The following GMDS variants were observed in gnomAD, a reference collection of about 807,000 sequenced individuals.
The protein encoded by GMDS is GDP-mannose 4,6-dehydratase.
In GMDS, 20 loss-of-function variants were observed where a neutral mutation model predicts 49.9. The ratio of observed to expected loss-of-function variants is 0.40; its 90% CI spans 0.28 to 0.58. The LOEUF is 0.58. Among genes scored for constraint, GMDS ranks in the 20% least tolerant of loss-of-function variants. The pLI is 0.42. For missense variants in GMDS, 362 were observed against 481.4 expected (o/e 0.75, Z 2.32); for synonymous variants, 177 against 178.6 (o/e 0.99, Z 0.07).
At chr6:1,859,633 G>C (rs1218176539) in intron 7 of GMDS, among the ~76,000 whole-genome samples, 1 of 152,120 alleles carries the variant, frequency 6.6e-6, no homozygotes, top group Admixed American at 6.5e-5. Context: ...CAGTAAGGTA[G>C]CCTCAGAGGA....
chr6:1,976,590 A>C (rs893355546), intron 4 of GMDS, among the ~76,000 whole-genome samples: 5 of 152,232 alleles, frequency 3.3e-5, no homozygotes, highest in African/African-American at 1.2e-4. Context: ...AATTTCAATA[A>C]TAACAATGAT....
chr6:1,659,232 A>T (rs1409910857), intron 9 of GMDS, among the ~76,000 whole-genome samples: 1 of 148,016 alleles, frequency 6.8e-6, no homozygotes, highest in Non-Finnish European at 1.5e-5. Flanking sequence ...TTTAAACATC[A>T]CTGTTGCATG....
At chr6:1,889,090 A>AT (rs1473482163) in intron 7 of GMDS, among the ~76,000 whole-genome samples, 2 of 152,124 alleles carry the variant, frequency 1.3e-5, no homozygotes, top group Non-Finnish European at 2.9e-5. Flanking sequence ...CTGTATTGTT[A>AT]TTTTTTATTG....
At chr6:2,159,467 C>A (rs1479631830) in intron 1 of GMDS, among the ~76,000 whole-genome samples, 1 of 150,464 alleles carries the variant, frequency 6.6e-6, no homozygotes. Flanking sequence ...ACATTTTATG[C>A]ATTCATGGCA....
chr6:2,154,863 CAAAAAAA>C (rs70992124), intron 1 of GMDS, among the ~76,000 whole-genome samples: 10 of 65,626 alleles, frequency 1.5e-4, no homozygotes, highest in African/African-American at 2.0e-4. Flanking sequence ...TGAAGAGATG[CAAAAAAA>C]AAAAAAAAAA....
At chr6:1,803,689 T>C (rs971864818) in intron 7 of GMDS, among the ~76,000 whole-genome samples, 5 of 152,222 alleles carry the variant, frequency 3.3e-5, no homozygotes, top group East Asian at 1.9e-4. Context: ...CTGAGAGGTG[T>C]TGATCAACAC....
chr6:2,029,490 C>A (rs1768823709), intron 4 of GMDS, among the ~76,000 whole-genome samples: 1 of 152,122 alleles, frequency 6.6e-6, no homozygotes, highest in Non-Finnish European at 1.5e-5. Context: ...TGCAAATTGT[C>A]CAGGGTATTG....
At chr6:2,194,227 G>A (rs191971784) in intron 1 of GMDS, among the ~76,000 whole-genome samples, 3 of 152,194 alleles carry the variant, frequency 2.0e-5, no homozygotes, top group Admixed American at 6.5e-5. Flanking sequence ...ATTCTCCATT[G>A]AGTTCTTCTT....
intron 1 of GMDS, among the ~76,000 whole-genome samples, chr6:2,222,586 GACGCAATT>G (rs1449219710): frequency 6.6e-6 from 1 of 152,194 alleles, no homozygotes; most frequent in African/African-American, 2.4e-5. Flanking sequence ...TACTGTAATA[GACGCAATT>G]ACCAGCCAAT....
chr6:1,650,927 A>G (rs772987828), intron 9 of GMDS, among the ~76,000 whole-genome samples: 1 of 152,196 alleles, frequency 6.6e-6, no homozygotes, highest in Non-Finnish European at 1.5e-5. Context: ...TGCTCTAAAG[A>G]ATAAAACAGT....
At chr6:1,646,405 C>G (rs968130635) in intron 9 of GMDS, among the ~76,000 whole-genome samples, 1 of 152,178 alleles carries the variant, frequency 6.6e-6, no homozygotes, top group African/African-American at 2.4e-5. Flanking sequence ...CAAACTCTCA[C>G]CCTGACCTCC....
chr6:1,906,700 T>G (rs1314973258), intron 7 of GMDS, among the ~76,000 whole-genome samples: 2 of 152,136 alleles, frequency 1.3e-5, no homozygotes, highest in Non-Finnish European at 2.9e-5. Context: ...CCAGGGGGTT[T>G]CCTGCAGTTC....
intron 7 of GMDS, among the ~76,000 whole-genome samples, chr6:1,927,674 C>T (rs990821959): frequency 6.6e-6 from 1 of 152,176 alleles, no homozygotes; most frequent in African/African-American, 2.4e-5. Context: ...ATGTGGACTA[C>T]ACTCACAGTG....
chr6:1,773,872 T>C (rs1298376942), intron 7 of GMDS, among the ~76,000 whole-genome samples: 1 of 152,242 alleles, frequency 6.6e-6, no homozygotes, highest in African/African-American at 2.4e-5. Context: ...ATTAACAGTT[T>C]ATGAGTATCT....
intron 4 of GMDS, among the ~76,000 whole-genome samples, chr6:2,032,725 A>C (rs1769045407): frequency 6.6e-6 from 1 of 152,224 alleles, no homozygotes; most frequent in African/African-American, 2.4e-5. Flanking sequence ...CAGTAACCTA[A>C]CTGGTAGCAG....
At chr6:1,642,614 C>G (rs1482653224) in intron 9 of GMDS, among the ~76,000 whole-genome samples, 1 of 152,192 alleles carries the variant, frequency 6.6e-6, no homozygotes, top group Non-Finnish European at 1.5e-5. Context: ...GGTCTTTGTC[C>G]TCTAGGTTGG....
chr6:1,697,272 G>C (rs1316389968), intron 9 of GMDS, among the ~76,000 whole-genome samples: 1 of 152,214 alleles, frequency 6.6e-6, no homozygotes, highest in Non-Finnish European at 1.5e-5. Flanking sequence ...CACACTCACA[G>C]CCTTTCCCAC....
chr6:1,829,975 T>C (rs1236514064), intron 7 of GMDS, among the ~76,000 whole-genome samples: 1 of 152,236 alleles, frequency 6.6e-6, no homozygotes, highest in Non-Finnish European at 1.5e-5. Flanking sequence ...AGCCTTGGTT[T>C]TGAGTTATCT....
intron 1 of GMDS, among the ~76,000 whole-genome samples, chr6:2,203,868 T>C (rs1029484815): frequency 6.6e-6 from 1 of 152,156 alleles, no homozygotes; most frequent in African/African-American, 2.4e-5. Flanking sequence ...CGATTTCACA[T>C]GGAAAAAGGC....
Sources: allele counts gnomAD v4.1 joint callset (sites outside exome capture counted in the v4.1 genomes callset), GRCh38; gene constraint gnomAD v4.1.1; transcripts MANE v1.5; gene names NCBI Gene and HGNC (gene_info 2026-07-23, HGNC 2026-07-21).